Variants in PHF14 observed in about 807,000 individuals in gnomAD.
PHF14 encodes PHD finger protein 14.
PHF14 carries 55 observed loss-of-function variants against 117.9 expected under a neutral mutation model. The observed-to-expected ratio is 0.47, with a 90% confidence interval of 0.38 to 0.58. PHF14 has a LOEUF of 0.58. Among genes scored for constraint, PHF14 ranks in the 20% least tolerant of loss-of-function variants. The pLI is 0.00. For missense variants in PHF14, 978 were observed against 1,122.2 expected, an observed-to-expected ratio of 0.87 and a Z score of 1.84; for synonymous variants, 409 against 368.6, an observed-to-expected ratio of 1.11 and a Z score of -1.26.
intron 13 of PHF14, among the ~76,000 whole-genome samples, chr7:11,047,913 AGGAAG>A (rs1784728834): frequency 9.8e-6 from 1 of 101,934 alleles, no homozygotes; most frequent in African/African-American, 3.9e-5. Flanking sequence ...AAGGAAGGAA[AGGAAG>A]GGAAGGGAGA....
chr7:11,105,701 C>G, intron 16 of PHF14: 1 of 984,450 alleles, frequency 1.0e-6, no homozygotes, highest in Non-Finnish European at 1.2e-6. Flanking sequence ...AAATATTTCT[C>G]TATAAAAGTG....
chr7:11,100,729 A>G (rs1344762279), intron 16 of PHF14, among the ~76,000 whole-genome samples: 1 of 151,914 alleles, frequency 6.6e-6, no homozygotes, highest in East Asian at 1.9e-4. Context: ...ATGGGTGAGG[A>G]AAATGAGAAG....
At chr7:10,998,592 A>AAT (rs962303959) in intron 4 of PHF14, among the ~76,000 whole-genome samples, 3 of 152,180 alleles carry the variant, frequency 2.0e-5, no homozygotes, top group Admixed American at 6.5e-5. Flanking sequence ...AACATGGTTG[A>AAT]ATATATGTGT....
At chr7:10,985,683 C>T (rs1384900608) in intron 3 of PHF14, among the ~76,000 whole-genome samples, 1 of 107,014 alleles carries the variant, frequency 9.3e-6, no homozygotes, top group Middle Eastern at 9.4e-3. Context: ...GACAGGGTCT[C>T]ACTCTGTTGC....
intron 17 of PHF14, among the ~76,000 whole-genome samples, chr7:11,166,667 C>T (rs1264803421): frequency 1.3e-5 from 2 of 152,052 alleles, no homozygotes; most frequent in Non-Finnish European, 2.9e-5. Flanking sequence ...TAATATTATA[C>T]TCTAGCAATT....
chr7:11,081,736 G>A (rs1231314638), intron 16 of PHF14, among the ~76,000 whole-genome samples: 3 of 151,874 alleles, frequency 2.0e-5, no homozygotes, highest in Non-Finnish European at 2.9e-5. Flanking sequence ...CGTGCCTGTA[G>A]TCCCAGCTAC....
intron 16 of PHF14, chr7:11,106,548 T>A (rs1787273682): frequency 1.0e-6 from 1 of 982,068 alleles, no homozygotes; most frequent in African/African-American, 1.8e-5. Flanking sequence ...TGTGCAAGCT[T>A]GTATTATTTG....
At chr7:11,067,348 G>C (rs886070264) in intron 16 of PHF14, among the ~76,000 whole-genome samples, 3 of 152,102 alleles carry the variant, frequency 2.0e-5, no homozygotes, top group Non-Finnish European at 4.4e-5. Flanking sequence ...AGAAACTGGA[G>C]TTCTTGTACA....
At chr7:11,080,689 A>C (rs781132048) in intron 16 of PHF14, among the ~76,000 whole-genome samples, 2 of 152,194 alleles carry the variant, frequency 1.3e-5, no homozygotes, top group Non-Finnish European at 2.9e-5. Context: ...CTAGATCAAA[A>C]GTACTATTCA....
At chr7:11,101,317 T>C (rs538304392) in intron 16 of PHF14, among the ~76,000 whole-genome samples, 2 of 152,008 alleles carry the variant, frequency 1.3e-5, no homozygotes, top group East Asian at 3.9e-4. Flanking sequence ...TTTGTGCATG[T>C]AATTAAGAGT....
chr7:10,981,988 A>C (rs532247692), intron 2 of PHF14, among the ~76,000 whole-genome samples: 1 of 152,284 alleles, frequency 6.6e-6, no homozygotes, highest in Non-Finnish European at 1.5e-5. Context: ...AGGGAGGAAG[A>C]ATTTTGTCTG....
At chr7:11,049,269 T>C (rs528994141) in intron 13 of PHF14, among the ~76,000 whole-genome samples, 34 of 152,138 alleles carry the variant, frequency 2.2e-4, no homozygotes, top group African/African-American at 7.2e-4. Context: ...GGTCAGGAGT[T>C]TGAGACCAGC....
chr7:11,155,104 T>C (rs927608007), intron 17 of PHF14, among the ~76,000 whole-genome samples: 1 of 152,206 alleles, frequency 6.6e-6, no homozygotes, highest in African/African-American at 2.4e-5. Flanking sequence ...ATAGACTTGA[T>C]TGTGCTTTCT....
At chr7:11,046,203 ATC>A (rs1057192175) in intron 13 of PHF14, among the ~76,000 whole-genome samples, 3 of 152,142 alleles carry the variant, frequency 2.0e-5, no homozygotes, top group African/African-American at 7.2e-5. Flanking sequence ...AAAATGTACA[ATC>A]TCCACACTGC....
chr7:11,143,653 A>G (rs1436994167), intron 17 of PHF14, among the ~76,000 whole-genome samples: 1 of 152,134 alleles, frequency 6.6e-6, no homozygotes, highest in African/African-American at 2.4e-5. Flanking sequence ...ATGTTTTTCT[A>G]GCTTTTCTTT....
intron 7 of PHF14, among the ~76,000 whole-genome samples, chr7:11,029,926 C>G (rs753002744): frequency 6.6e-6 from 1 of 151,012 alleles, no homozygotes; most frequent in Non-Finnish European, 1.5e-5. Context: ...ATTTCATTTC[C>G]AGAAAGTGAG....
At chr7:11,009,074 C>G (rs1031005056) in intron 4 of PHF14, among the ~76,000 whole-genome samples, 14 of 150,106 alleles carry the variant, frequency 9.3e-5, no homozygotes, top group Non-Finnish European at 2.1e-4. Context: ...TGATGAGTTT[C>G]ATAGTCAAAA....
At chr7:11,095,140 G>A (rs1013145433) in intron 16 of PHF14, among the ~76,000 whole-genome samples, 2 of 152,290 alleles carry the variant, frequency 1.3e-5, no homozygotes, top group South Asian at 4.1e-4. Context: ...GAGTGGTTGA[G>A]TTGAACTCAT....
At chr7:11,066,085 G>A (rs984066218) in intron 16 of PHF14, among the ~76,000 whole-genome samples, 1 of 152,154 alleles carries the variant, frequency 6.6e-6, no homozygotes, top group Non-Finnish European at 1.5e-5. Context: ...TACAAGGGTA[G>A]GGTGTCAATT....
Sources: gnomAD v4.1 joint callset for allele counts (sites outside exome capture counted in the v4.1 genomes callset) on GRCh38, gnomAD v4.1.1 for gene constraint, MANE v1.5 for transcripts, NCBI Gene and HGNC (gene_info 2026-07-23, HGNC 2026-07-21) for gene names.